SRGAP2B: variants seen among roughly 807,000 people sequenced by gnomAD.
The protein encoded by SRGAP2B is SLIT-ROBO Rho GTPase-activating protein 2B.
Under a neutral mutation model 22.2 loss-of-function variants are expected in SRGAP2B, and 9 were observed. The ratio of observed to expected loss-of-function variants is 0.41; its 90% CI spans 0.24 to 0.71. SRGAP2B has a LOEUF of 0.71. Ranked by LOEUF, SRGAP2B falls within the 30% of genes least tolerant of loss-of-function variation. The pLI is 0.35. For missense variants in SRGAP2B, 114 were observed against 235.8 expected, an observed-to-expected ratio of 0.48 and a Z score of 3.38; for synonymous variants, 36 against 87.4, an observed-to-expected ratio of 0.41 and a Z score of 3.28.
chr1:145,030,407 G>A (rs1648140548), intron 2 of SRGAP2B, among the ~76,000 whole-genome samples: 1 of 145,840 alleles, frequency 6.9e-6, no homozygotes, highest in Admixed American at 6.8e-5. Context: ...GTCCTTTGTA[G>A]GGACATGGAT....
chr1:144,907,064 G>C (rs1211095422), intron 5 of SRGAP2B, among the ~76,000 whole-genome samples: 2 of 145,182 alleles, frequency 1.4e-5, no homozygotes, highest in Non-Finnish European at 3.0e-5. Context: ...GGGAGTTCAC[G>C]AGTGCTGAAA....
chr1:144,940,636 T>TA (rs1162288005), intron 4 of SRGAP2B, among the ~76,000 whole-genome samples: 1 of 142,858 alleles, frequency 7.0e-6, no homozygotes, highest in Non-Finnish European at 1.5e-5. Flanking sequence ...CCACCTCTAC[T>TA]AAAAAAACAC....
chr1:145,007,137 C>A (rs1570992416), intron 2 of SRGAP2B, among the ~76,000 whole-genome samples: 2 of 150,692 alleles, frequency 1.3e-5, no homozygotes, highest in South Asian at 2.1e-4. Flanking sequence ...AACCACGATT[C>A]CTCCCATTTC....
At chr1:145,032,369 T>G in intron 2 of SRGAP2B, among the ~76,000 whole-genome samples, 2 of 109,946 alleles carry the variant, frequency 1.8e-5, no homozygotes, top group Non-Finnish European at 3.5e-5. Context: ...AGGTCAGGAG[T>G]CCAAGACCAG....
At chr1:144,917,548 G>A (rs1387626991) in intron 4 of SRGAP2B, among the ~76,000 whole-genome samples, 13 of 142,666 alleles carry the variant, frequency 9.1e-5, no homozygotes, top group Admixed American at 3.4e-4. Context: ...TGGGGGATGG[G>A]GGAAGAAGAG....
At chr1:144,912,076 C>G (rs1487957379) in intron 5 of SRGAP2B, among the ~76,000 whole-genome samples, 2 of 145,968 alleles carry the variant, frequency 1.4e-5, no homozygotes, top group East Asian at 2.0e-4. Context: ...TCAGCCTCCC[C>G]AGTAGCTGGG....
intron 4 of SRGAP2B, among the ~76,000 whole-genome samples, chr1:144,929,342 C>T (rs1447745905): frequency 1.3e-5 from 2 of 148,872 alleles, no homozygotes. Flanking sequence ...TTTCTTTTGT[C>T]GCTTGTGCTT....
At chr1:144,957,639 TG>T (rs1667363475) in intron 3 of SRGAP2B, among the ~76,000 whole-genome samples, 1 of 143,138 alleles carries the variant, frequency 7.0e-6, no homozygotes, top group Admixed American at 7.3e-5. Context: ...CCTTTCAAAA[TG>T]TTTAGTATCT....
At chr1:145,009,703 TAAAA>T (rs1420417653) in intron 2 of SRGAP2B, among the ~76,000 whole-genome samples, 2 of 142,096 alleles carry the variant, frequency 1.4e-5, no homozygotes, top group African/African-American at 5.5e-5. Flanking sequence ...TTTTTTATAA[TAAAA>T]AGTTTTTAAA....
chr1:144,975,868 CTT>C (rs56268353), intron 3 of SRGAP2B, among the ~76,000 whole-genome samples: 107 of 27,314 alleles, frequency 3.9e-3, no homozygotes, highest in Admixed American at 8.9e-3. Flanking sequence ...GTTAGTAATT[CTT>C]TTTTTTTTTT....
In SRGAP2B at chr1:144,920,267, T is replaced by C. The variant is rs587601048; in HGVS notation, c.424-5513A>G. 4.0e-5 allele frequency among the ~76,000 whole-genome samples: 6 copies of C among 150,850 alleles called. 1 individual carries two copies. The highest frequency in any genetic ancestry group is 1.5e-4 in the African/African-American group (6 of 40,356). On this transcript the variant is annotated intron_variant, in intron 4 of 9. Transcript: ENST00000612199. ...TATTTTTTTATCTTCTTTTTTTCTT[T>C]TCTTTCTTTCTTTTTAGATACAAGG...
chr1:144,925,787 GA>G (rs1163262008), intron 4 of SRGAP2B, among the ~76,000 whole-genome samples: 1 of 105,646 alleles, frequency 9.5e-6, no homozygotes, highest in Non-Finnish European at 2.1e-5. Context: ...AAGAAAGAAA[GA>G]AAGAAAGGAG....
chr1:144,969,190 A>G (rs1668315358), intron 3 of SRGAP2B, among the ~76,000 whole-genome samples: 1 of 126,746 alleles, frequency 7.9e-6, no homozygotes, highest in African/African-American at 3.4e-5. Context: ...CGCCAAGTCA[A>G]TCCTAAGGCA....
At chr1:144,994,970 T>G (rs1553618166) in intron 3 of SRGAP2B, 38 bp downstream of exon 3, 3 of 1,314,090 alleles carry the variant, frequency 2.3e-6, no homozygotes, top group Non-Finnish European at 3.0e-6. Context: ...GACCCCATAT[T>G]CCAAGGTCTC....
At chr1:145,069,823 C>T (rs1477043658) in intron 2 of SRGAP2B, among the ~76,000 whole-genome samples, 1 of 146,470 alleles carries the variant, frequency 6.8e-6, no homozygotes, top group Non-Finnish European at 1.5e-5. Flanking sequence ...CATCTGCTTA[C>T]TGAGGACAGG....
intron 9 of SRGAP2B, among the ~76,000 whole-genome samples, chr1:144,892,696 GT>G (rs1429498080): frequency 6.7e-6 from 1 of 148,248 alleles, no homozygotes; most frequent in Non-Finnish European, 1.5e-5. Context: ...TGTAATAGAA[GT>G]TTTAAGGGAA....
At chr1:145,005,983 C>A (rs1553621001) in intron 2 of SRGAP2B, among the ~76,000 whole-genome samples, 1 of 150,884 alleles carries the variant, frequency 6.6e-6, no homozygotes, top group East Asian at 1.9e-4. Context: ...CAGATGAACA[C>A]AACTACCTTG....
At chr1:144,969,775 A>G (rs1293089054) in intron 3 of SRGAP2B, among the ~76,000 whole-genome samples, 1 of 150,930 alleles carries the variant, frequency 6.6e-6, no homozygotes, top group Non-Finnish European at 1.5e-5. Flanking sequence ...CAGAATCTAC[A>G]ATGAACTCAA....
At position 145,069,953 on chromosome 1, in the gene SRGAP2B, T is replaced by C. The variant is rs1319597367; in HGVS notation, c.67+22882A>G. 1.7e-3 allele frequency among the ~76,000 whole-genome samples: 257 copies of C among 149,398 alleles called. 2 individuals carry two copies. The highest frequency in any genetic ancestry group is 0.014 in the Middle Eastern group (4 of 292). Reference sequence around the variant, plus strand: ...ACCCCAGGCTTACAGGTTCTTGCACTTGGTATATTTCTCTAACACACCCCA... The same window carrying C: ...ACCCCAGGCTTACAGGTTCTTGCACCTGGTATATTTCTCTAACACACCCCA... On this transcript the variant is annotated intron_variant, in intron 2 of 9. Transcript: ENST00000612199.
Sources: gnomAD v4.1 joint callset for allele counts (sites outside exome capture counted in the v4.1 genomes callset) on GRCh38, gnomAD v4.1.1 for gene constraint, MANE v1.5 for transcripts, NCBI Gene and HGNC (gene_info 2026-07-23, HGNC 2026-07-21) for gene names.